The following TMEM131L variants were observed in gnomAD, a reference collection of about 807,000 sequenced individuals.
TMEM131L encodes transmembrane protein 131-like.
TMEM131L carries 54 observed loss-of-function variants against 192.2 expected under a neutral mutation model. The ratio of observed to expected loss-of-function variants is 0.28; its 90% CI spans 0.23 to 0.35. The LOEUF is 0.35. TMEM131L is among the 10% of genes least tolerant of loss of function. The pLI is 1.00. For missense variants in TMEM131L, 1,888 were observed against 1,972.9 expected (o/e 0.96, Z 0.82); for synonymous variants, 701 against 704.9 (o/e 0.99, Z 0.09).
At chr4:153,525,555 G>T (rs1010791069) in intron 3 of TMEM131L, among the ~76,000 whole-genome samples, 2 of 152,170 alleles carry the variant, frequency 1.3e-5, no homozygotes, top group Non-Finnish European at 2.9e-5. Context: ...GACCAGGCTG[G>T]TCTCGAGCTC....
At chr4:153,611,290 A>G (rs1732596133) in intron 25 of TMEM131L, among the ~76,000 whole-genome samples, 1 of 152,230 alleles carries the variant, frequency 6.6e-6, no homozygotes, top group Admixed American at 6.5e-5. Flanking sequence ...CTGTCAAACA[A>G]GAGAGGCAAG....
chr4:153,566,619 A>T (rs1729224472), intron 7 of TMEM131L, among the ~76,000 whole-genome samples: 1 of 152,080 alleles, frequency 6.6e-6, no homozygotes, highest in Non-Finnish European at 1.5e-5. Flanking sequence ...TGGGATTATC[A>T]GAAGGTATAA....
chr4:153,575,492 AG>A (rs1171038223), intron 7 of TMEM131L, among the ~76,000 whole-genome samples: 15 of 152,218 alleles, frequency 9.9e-5, no homozygotes, highest in Non-Finnish European at 1.5e-4. Flanking sequence ...TTGTTAAAAA[AG>A]TACTGACTGC....
At chr4:153,570,604 T>C (rs939858159) in intron 7 of TMEM131L, among the ~76,000 whole-genome samples, 3 of 152,004 alleles carry the variant, frequency 2.0e-5, no homozygotes, top group Non-Finnish European at 2.9e-5. Context: ...ATGTGTGGAT[T>C]TCTGTTTCTT....
In TMEM131L at chr4:153,602,132, C is replaced by T; in HGVS notation, c.2267-20C>T. 1.4e-6 allele frequency: 2 copies of T among 1,406,680 alleles called. No homozygotes were observed. The highest frequency in any genetic ancestry group is 1.9e-6 in the Non-Finnish European group (2 of 1,025,750). 87.1% of individuals were successfully genotyped at this position (1,406,680 alleles called of 1,614,324 possible). A position where few individuals can be genotyped will look rare whatever the true frequency, so the allele number is the denominator to read the frequency against. ...TTTATAGTTCACATATACTAAATAT[C>T]TTTTTTTGGTTCCCATTAGAACTGA... is the stretch of plus-strand genomic sequence containing the variant. On this transcript the variant is annotated intron_variant, in intron 21 of 34. Coordinates refer to ENST00000409959, the MANE Select transcript of TMEM131L (RefSeq NM_001131007.2).
At chr4:153,614,183 C>A (rs1318580626) in intron 26 of TMEM131L, among the ~76,000 whole-genome samples, 1 of 152,146 alleles carries the variant, frequency 6.6e-6, no homozygotes, top group Non-Finnish European at 1.5e-5. Flanking sequence ...AGGGAGCCAT[C>A]CGACTTGGAA....
At chr4:153,574,788 A>T (rs1729824972) in intron 7 of TMEM131L, among the ~76,000 whole-genome samples, 1 of 152,202 alleles carries the variant, frequency 6.6e-6, no homozygotes, top group South Asian at 2.1e-4. Context: ...GGGTTTCACC[A>T]TGTTGGACAG....
At chr4:153,550,517 G>T (rs926021230) in intron 4 of TMEM131L, among the ~76,000 whole-genome samples, 1 of 152,056 alleles carries the variant, frequency 6.6e-6, no homozygotes. Flanking sequence ...TAGTAGAGAC[G>T]GGGTTTCACC....
chr4:153,624,777 G>A (rs769212354), intron 29 of TMEM131L, among the ~76,000 whole-genome samples: 1 of 152,160 alleles, frequency 6.6e-6, no homozygotes, highest in Non-Finnish European at 1.5e-5. Flanking sequence ...CTCATGGGCT[G>A]TTCTACATGA....
At chr4:153,530,844 C>T (rs988786303) in intron 3 of TMEM131L, among the ~76,000 whole-genome samples, 1 of 152,148 alleles carries the variant, frequency 6.6e-6, no homozygotes, top group African/African-American at 2.4e-5. Flanking sequence ...GTGGCAGAGG[C>T]ACCAGCACCC....
intron 3 of TMEM131L, among the ~76,000 whole-genome samples, chr4:153,532,979 C>G (rs908805306): frequency 8.8e-5 from 13 of 147,262 alleles, no homozygotes; most frequent in Non-Finnish European, 1.6e-4. Context: ...CTCTCTTTCT[C>G]AATTCTTTTT....
At chr4:153,615,392 G>A (rs1331162205) in intron 26 of TMEM131L, among the ~76,000 whole-genome samples, 1 of 152,226 alleles carries the variant, frequency 6.6e-6, no homozygotes, top group African/African-American at 2.4e-5. Flanking sequence ...TAGGCCTGGA[G>A]CTTGAGGTTT....
Position 153,520,344 on chromosome 4 carries a change from G to A in TMEM131L, c.240-29729G>A, listed in dbSNP as rs192804955. On this transcript the variant is annotated intron_variant, in intron 3 of 34. Coordinates refer to ENST00000409959, the MANE Select transcript of TMEM131L (RefSeq NM_001131007.2). ...AAATTAGCTGGGTGTAGTGGCACTC[G>A]TCCGTGGTTCCAGCTACTTGGAGGC... is the stretch of plus-strand genomic sequence containing the variant. 1.1e-4 allele frequency among the ~76,000 whole-genome samples: 16 copies of A among 152,172 alleles called. No homozygotes were observed. In the East Asian group the frequency reaches 2.5e-3, roughly 24 times the overall value.
chr4:153,508,633 A>T (rs1333528628), intron 3 of TMEM131L, among the ~76,000 whole-genome samples: 1 of 151,506 alleles, frequency 6.6e-6, no homozygotes, highest in Non-Finnish European at 1.5e-5. Context: ...GATGTATCTC[A>T]TCGAATTCCT....
chr4:153,561,765 C>T (rs755636127), intron 7 of TMEM131L, among the ~76,000 whole-genome samples: 22 of 151,984 alleles, frequency 1.4e-4, no homozygotes, highest in Admixed American at 3.3e-4. Context: ...CTCCTTTTGC[C>T]CATAGTTCTC....
intron 7 of TMEM131L, among the ~76,000 whole-genome samples, chr4:153,579,984 A>G (rs1730221389): frequency 6.6e-6 from 1 of 152,138 alleles, no homozygotes; most frequent in Non-Finnish European, 1.5e-5. Flanking sequence ...TACCTTGCCA[A>G]GATTTGATGT....
intron 3 of TMEM131L, among the ~76,000 whole-genome samples, chr4:153,493,401 C>G (rs1328428875): frequency 2.0e-5 from 3 of 150,026 alleles, no homozygotes; most frequent in African/African-American, 2.5e-5. Context: ...TGGCTCACAC[C>G]TGTAATCCCA....
intron 2 of TMEM131L, among the ~76,000 whole-genome samples, chr4:153,472,548 A>C (rs1731232106): frequency 1.3e-5 from 2 of 152,164 alleles, no homozygotes; most frequent in Admixed American, 1.3e-4. Context: ...AAAAAAAAAC[A>C]AAAAACACCT....
chr4:153,519,003 A>G (rs1409144127), intron 3 of TMEM131L, among the ~76,000 whole-genome samples: 4 of 152,026 alleles, frequency 2.6e-5, no homozygotes, highest in Non-Finnish European at 5.9e-5. Flanking sequence ...CCATTCTTAC[A>G]TTTGCTGTGA....
Sources: gnomAD v4.1 joint callset for allele counts (sites outside exome capture counted in the v4.1 genomes callset) on GRCh38, gnomAD v4.1.1 for gene constraint, MANE v1.5 for transcripts, NCBI Gene and HGNC (gene_info 2026-07-23, HGNC 2026-07-21) for gene names.